Variants in NPDC1 observed in about 807,000 individuals in gnomAD.
The protein encoded by NPDC1 is neural proliferation, differentiation and control 1.
In NPDC1, 18 loss-of-function variants were observed where a neutral mutation model predicts 32.5. That is an observed-to-expected ratio of 0.55 (90% confidence interval 0.38 to 0.82). NPDC1 has a LOEUF of 0.82. Ranked by LOEUF, NPDC1 falls within the 40% of genes least tolerant of loss-of-function variation. The pLI, the probability that NPDC1 is intolerant of heterozygous loss-of-function variation, is 0.00. For missense variants in NPDC1, 468 were observed against 406.6 expected (o/e 1.15, Z -1.30); for synonymous variants, 210 against 184.7 (o/e 1.14, Z -1.11).
At chr9:137,044,754 C>A (rs996709194) in intron 1 of NPDC1, among the ~76,000 whole-genome samples, 1 of 152,250 alleles carries the variant, frequency 6.6e-6, no homozygotes, top group Non-Finnish European at 1.5e-5. Flanking sequence ...CTGCCACCCA[C>A]CCGGGCTCAG....
At chr9:137,040,188 A>C in intron 7 of NPDC1, 121 bp from the exon 8 acceptor site, 1 of 704,464 alleles carries the variant, frequency 1.4e-6, no homozygotes, top group Non-Finnish European at 2.5e-6. Context: ...CCCAGGGTGA[A>C]GTTGGCCAGG....
intron 2 of NPDC1, among the ~76,000 whole-genome samples, chr9:137,042,354 C>T (rs545180939): frequency 1.4e-5 from 2 of 147,044 alleles, no homozygotes; most frequent in African/African-American, 5.1e-5. Flanking sequence ...CCCGGGTTCA[C>T]GCCATTCTCC....
In NPDC1 at chr9:137,042,493, A is replaced by G. The variant is rs1588548649; in HGVS notation, c.259+434T>C. ...AGGATGGTCTCGATCTCCTGACCTT[A>G]TGATGTGCCCGCCTCGGCCTCCCAA... On this transcript the variant is annotated intron_variant, in intron 2 of 8. Transcript: ENST00000371601. Among the ~76,000 whole-genome samples, 5 of 149,266 alleles carry G rather than the reference A, an allele frequency of 3.3e-5. No homozygotes were observed. In the South Asian group the frequency reaches 8.4e-4, roughly 25 times the overall value.
intron 2 of NPDC1, 28 bp from the exon 3 acceptor site, chr9:137,041,215 G>T: frequency 7.0e-7 from 1 of 1,418,752 alleles, no homozygotes; most frequent in Non-Finnish European, 9.2e-7. Context: ...CCATCAGGTG[G>T]AGGGGTCCGT....
At chr9:137,040,289 G>A (rs1353978918) in intron 7 of NPDC1, 68 bp downstream of exon 7, 3 of 1,429,264 alleles carry the variant, frequency 2.1e-6, no homozygotes, top group Non-Finnish European at 1.9e-6. Flanking sequence ...AGGGGAGGTG[G>A]AAATGGAGGT....
At chr9:137,042,189 A>G (rs188535293) in intron 2 of NPDC1, among the ~76,000 whole-genome samples, 96 of 152,092 alleles carry the variant, frequency 6.3e-4, no homozygotes, top group Non-Finnish European at 1.2e-3. Flanking sequence ...CTTGGACCCA[A>G]CACCCCACAA....
chr9:137,040,209 G>A, intron 7 of NPDC1, 142 bp from the exon 8 acceptor site: 1 of 781,330 alleles, frequency 1.3e-6, no homozygotes, highest in South Asian at 1.6e-5. Context: ...GGAGGTGAGG[G>A]TGCAGGGCGG....
intron 8 of NPDC1, 27 bp from the exon 9 acceptor site, chr9:137,039,891 A>G (rs1424282245): frequency 2.6e-6 from 2 of 778,682 alleles, no homozygotes; most frequent in Non-Finnish European, 4.8e-6. Flanking sequence ...CAGGCTGGGC[A>G]GTGGGTGGGC....
Position 137,039,493 on chromosome 9 carries a change from T to G in NPDC1, c.*279A>C. On this transcript the variant is annotated 3_prime_UTR_variant, in exon 9 of 9. Coordinates refer to ENST00000371601, the MANE Select transcript of NPDC1 (RefSeq NM_015392.4). ...GGTCTGAAATGGACTTTAATTGGCT[T>G]TTGTCTCTAGAATTACCCACCCGTT... The G allele has an allele frequency of 1.1e-5, 4 of 364,456 alleles. No homozygotes were observed. The highest frequency in any genetic ancestry group is 4.7e-5 in the East Asian group (1 of 21,398). 22.6% of individuals were successfully genotyped at this position (364,456 alleles called of 1,614,324 possible). A position where few individuals can be genotyped will look rare whatever the true frequency, so the allele number is the denominator to read the frequency against.
In NPDC1 at chr9:137,046,057, C is replaced by A. The variant is rs1043564018; in HGVS notation, c.-68G>T. ...GGGGCTCGGCGCGGGCTCCGGGCTC[C>A]GCGTCGGGAGCAGCGGAGGCAGCGG... is the stretch of plus-strand genomic sequence containing the variant. On this transcript the variant is annotated 5_prime_UTR_variant, in exon 1 of 9. Transcript: ENST00000371601. 4.7e-5 allele frequency: 54 copies of A among 1,147,136 alleles called. No individual in the cohort carries two copies. The African/African-American group carries it at 8.2e-4, about 17-fold the overall frequency. 71.1% of individuals were successfully genotyped at this position (1,147,136 alleles called of 1,614,324 possible). A position where few individuals can be genotyped will look rare whatever the true frequency, so the allele number is the denominator to read the frequency against.
intron 7 of NPDC1, 124 bp downstream of exon 7, chr9:137,040,226 AGGTGAAG>A (rs1156858957): frequency 1.2e-6 from 1 of 827,568 alleles, no homozygotes; most frequent in Non-Finnish European, 1.9e-6. Flanking sequence ...GCGGCGGGGG[AGGTGAAG>A]GTTAGCGTGC....
rs146521448 is a variant in NPDC1 at position 137,039,984 on chromosome 9, G to A, written c.872C>T (p.Pro291Leu). 1.7e-5 allele frequency: 13 copies of A among 778,936 alleles called. No homozygotes were observed. Among genetic ancestry groups the A allele is most frequent in the Admixed American group, 5.1e-5 (3 of 59,000 alleles). The allele number at this position is 778,936 out of a possible 1,614,324, so 48.3% of individuals were successfully genotyped here. The stretch of plus-strand genomic sequence containing the variant: ...TGAGGCACTCACCGGGGCCAGGCCC[G>A]GGCACTCGTACACCGTGAAGTCTCC... Reference protein sequence around the residue: ...EDGDFTVYECPGLAPTGEMEV... With the variant: ...EDGDFTVYECLGLAPTGEMEV... The change falls in exon 8 of 9, where the codon CCG (proline) becomes CTG (leucine). Residue 291 changes from proline to leucine, a missense_variant. Physicochemically the swap from Pro to Leu is moderately conservative, Grantham distance 98 (BLOSUM62 -3). Transcript: ENST00000371601.
intron 4 of NPDC1, 22 bp downstream of exon 4, chr9:137,040,792 C>T: frequency 1.3e-6 from 2 of 1,585,254 alleles, no homozygotes; most frequent in South Asian, 2.3e-5. Context: ...GCTGCCCCTG[C>T]CCACCCCCGA....
chr9:137,043,956 A>G (rs1476595376), intron 1 of NPDC1: 1 of 154,756 alleles, frequency 6.5e-6, no homozygotes, highest in Non-Finnish European at 1.4e-5. Flanking sequence ...CCTCAAAGCT[A>G]AGGAATGTCC....
At position 137,042,285 on chromosome 9, in the gene NPDC1, G is replaced by A. The variant is rs567220974; in HGVS notation, c.259+642C>T. Among the ~76,000 whole-genome samples, 211 of 152,076 alleles carry A rather than the reference G, an allele frequency of 1.4e-3. 1 individual carries two copies. The highest frequency in any genetic ancestry group is 4.8e-3 in the African/African-American group (200 of 41,504). Reference sequence around the variant, plus strand: ...TTTTTTTTTTTTGAGGCGGAGTCTCGCTCTGCCGCCCAGGCTGGAGTGCAG... The same window carrying A: ...TTTTTTTTTTTTGAGGCGGAGTCTCACTCTGCCGCCCAGGCTGGAGTGCAG... On this transcript the variant is annotated intron_variant, in intron 2 of 8. Transcript: ENST00000371601.
Position 137,039,557 on chromosome 9 carries a change from G to A in NPDC1, c.*215C>T. 1 of 536,658 alleles carries A rather than the reference G, an allele frequency of 1.9e-6. No individual in the cohort carries two copies. 33.2% of individuals were successfully genotyped at this position (536,658 alleles called of 1,614,324 possible). A position where few individuals can be genotyped will look rare whatever the true frequency, so the allele number is the denominator to read the frequency against. On this transcript the variant is annotated 3_prime_UTR_variant, in exon 9 of 9. Transcript: ENST00000371601. The stretch of plus-strand genomic sequence containing the variant: ...GTTCTCCATGCCCCCTCCAGTTTGG[G>A]GGTCTAAACCGAACAGGAGAGGTGC...
chr9:137,042,509 G>A (rs1025424188), intron 2 of NPDC1, among the ~76,000 whole-genome samples: 8 of 149,690 alleles, frequency 5.3e-5, no homozygotes, highest in South Asian at 2.1e-4. Flanking sequence ...TGCCCGCCTC[G>A]GCCTCCCAAA....
intron 1 of NPDC1, among the ~76,000 whole-genome samples, chr9:137,044,695 G>A (rs1279368057): frequency 6.6e-6 from 1 of 152,240 alleles, no homozygotes; most frequent in East Asian, 1.9e-4. Flanking sequence ...CAGGTCTCCC[G>A]GTGAGGCAGA....
chr9:137,045,572 T>TGGCCGCGGCGCGGAGGCCTGAGCC (rs1564248256), intron 1 of NPDC1, among the ~76,000 whole-genome samples: 1 of 152,042 alleles, frequency 6.6e-6, no homozygotes, highest in Non-Finnish European at 1.5e-5. Context: ...CAGAGCCAGA[T>TGGCCGCGGCGCGGAGGCCTGAGCC]GGCCGCGGCG....
Sources: gnomAD v4.1 joint callset for allele counts (sites outside exome capture counted in the v4.1 genomes callset) on GRCh38, gnomAD v4.1.1 for gene constraint, MANE v1.5 for transcripts, NCBI Gene and HGNC (gene_info 2026-07-23, HGNC 2026-07-21) for gene names.